Variants in SH2D1B observed in about 807,000 individuals in gnomAD.
SH2D1B encodes the protein SH2 domain-containing protein 1B.
A neutral mutation model predicts 16.3 loss-of-function variants in SH2D1B; 11 were observed. The ratio of observed to expected loss-of-function variants is 0.67; its 90% CI spans 0.42 to 1.11. The LOEUF (loss-of-function observed/expected upper bound fraction) is 1.11, where lower values mean the gene tolerates loss of function less well. Among genes scored for constraint, SH2D1B ranks in the 50% most tolerant of loss-of-function variants. The pLI, the probability that SH2D1B is intolerant of heterozygous loss-of-function variation, is 0.00. For missense variants in SH2D1B, 123 were observed against 153.1 expected (o/e 0.80, Z 1.04); for synonymous variants, 55 against 56.1 (o/e 0.98, Z 0.09).
chr1:162,397,361 C>G, intron 3 of SH2D1B, 46 bp from the exon 4 acceptor site: 2 of 1,608,094 alleles, frequency 1.2e-6, no homozygotes, highest in Non-Finnish European at 1.7e-6. Context: ...GAGACCACAC[C>G]CAGAAGTCAT....
Position 162,403,488 on chromosome 1 carries a change from G to GAAAAAAA in SH2D1B, c.135-693_135-687dup, listed in dbSNP as rs1172751501. 6.3e-4 allele frequency among the ~76,000 whole-genome samples: 13 copies of GAAAAAAA among 20,694 alleles called. 1 individual carries two copies. Among genetic ancestry groups the GAAAAAAA allele is most frequent in the East Asian group, 1.1e-3 (1 of 936 alleles). The allele number at this position is 20,694 out of a possible 152,430, so 13.6% of individuals were successfully genotyped here. A position where few individuals can be genotyped will look rare whatever the true frequency, so the allele number is the denominator to read the frequency against. On this transcript the variant is annotated intron_variant, in intron 1 of 3. Coordinates refer to ENST00000367929, the MANE Select transcript of SH2D1B (RefSeq NM_053282.5). ...TGGGCGACAGAGCGAGACTCTGTCT[G>GAAAAAAA]AAAAAAAAAAAAAAAAAAAAAAAAT...
chr1:162,408,666 G>A (rs1415185639), intron 1 of SH2D1B, among the ~76,000 whole-genome samples: 2 of 151,946 alleles, frequency 1.3e-5, no homozygotes, highest in Non-Finnish European at 2.9e-5. Flanking sequence ...TGCCCGCCTC[G>A]GCCTCCCAGA....
At chr1:162,403,058 A>G (rs576565362) in intron 1 of SH2D1B, among the ~76,000 whole-genome samples, 1 of 152,062 alleles carries the variant, frequency 6.6e-6, no homozygotes, top group South Asian at 2.1e-4. Flanking sequence ...ACAGGCACCC[A>G]CCATCATGCC....
Position 162,396,585 on chromosome 1 carries a change from A to G in SH2D1B, c.*695T>C, listed in dbSNP as rs1283104515. On this transcript the variant is annotated 3_prime_UTR_variant, in exon 4 of 4. Transcript: ENST00000367929. ...GTTGAAATGACTGATGCATAAGTGG[A>G]ATTAAGCAAAACCAGGGAGAAAGTG... 1 of 152,502 alleles carries G rather than the reference A, an allele frequency of 6.6e-6. No individual in the cohort carries two copies. Among genetic ancestry groups the G allele is most frequent in the East Asian group, 1.9e-4 (1 of 5,210 alleles). The allele number at this position is 152,502 out of a possible 1,614,324, so 9.4% of individuals were successfully genotyped here.
At chr1:162,410,121 A>C (rs568007250) in intron 1 of SH2D1B, among the ~76,000 whole-genome samples, 2 of 152,242 alleles carry the variant, frequency 1.3e-5, no homozygotes, top group South Asian at 4.2e-4. Context: ...TAGCTATCTG[A>C]TCACTGTTGG....
chr1:162,399,884 T>C (rs1049413190), intron 2 of SH2D1B, among the ~76,000 whole-genome samples: 11 of 152,224 alleles, frequency 7.2e-5, no homozygotes, highest in African/African-American at 1.9e-4. Context: ...ATGTGAGAGA[T>C]TTTACCATAA....
chr1:162,402,285 G>A (rs1316568391), intron 2 of SH2D1B, among the ~76,000 whole-genome samples: 1 of 152,114 alleles, frequency 6.6e-6, no homozygotes, highest in Non-Finnish European at 1.5e-5. Context: ...GGCTGAGGCC[G>A]GCGGATCACA....
At chr1:162,399,316 G>A (rs1013445474) in intron 2 of SH2D1B, among the ~76,000 whole-genome samples, 12 of 152,088 alleles carry the variant, frequency 7.9e-5, no homozygotes, top group Admixed American at 5.2e-4. Flanking sequence ...GGATCCCAGC[G>A]CAGTCCATAG....
intron 2 of SH2D1B, among the ~76,000 whole-genome samples, chr1:162,400,002 G>C (rs548315209): frequency 2.2e-4 from 34 of 152,158 alleles, no homozygotes; most frequent in Non-Finnish European, 4.0e-4. Context: ...TTCAAATTTG[G>C]AGAACAGTTA....
rs1160612126 is a variant in SH2D1B at position 162,397,234 on chromosome 1, A to T, written c.*46T>A. 1 of 1,609,722 alleles carries T rather than the reference A, an allele frequency of 6.2e-7. No individual in the cohort carries two copies. Among genetic ancestry groups the T allele is most frequent in the East Asian group, 2.2e-5 (1 of 44,854 alleles). On this transcript the variant is annotated 3_prime_UTR_variant, in exon 4 of 4. Coordinates refer to ENST00000367929, the MANE Select transcript of SH2D1B (RefSeq NM_053282.5). ...CCTGCAGAAGTGGGTCATCAGTGAG[A>T]ACTGTTACTCATCTCTTCAACTTGC... is the stretch of plus-strand genomic sequence containing the variant.
At chr1:162,410,964 T>C (rs1457935497) in intron 1 of SH2D1B, among the ~76,000 whole-genome samples, 7 of 147,500 alleles carry the variant, frequency 4.7e-5, no homozygotes, top group African/African-American at 1.8e-4. Context: ...CCACTCTTTT[T>C]TCTTTTTTTT....
intron 1 of SH2D1B, 111 bp from the exon 2 acceptor site, chr1:162,402,913 CT>C (rs554979106): frequency 0.015 from 10,118 of 657,288 alleles, 2 homozygotes; most frequent in East Asian, 0.025. Context: ...TAAAAAAACT[CT>C]TTTTTTTTTT....
rs889410547 is a variant in SH2D1B, at chr1:162,412,012, T to C, written c.5A>G (p.Asp2Gly). 3.7e-6 allele frequency: 6 copies of C among 1,613,978 alleles called. No homozygotes were observed. The highest frequency in any genetic ancestry group is 5.1e-6 in the Non-Finnish European group (6 of 1,180,020). ...CAGACGTCCATGGTAGTAAGGCAGA[T>C]CCATGGAGAACGCTCTTGTATCCCA... M[D>G]LPYYHGRLTK... Residue 2 changes from aspartate to glycine, a missense_variant, in exon 1 of 4, where the codon GAT (aspartate) becomes GGT (glycine). Physicochemically the swap from Asp to Gly is moderately conservative, Grantham distance 94 (BLOSUM62 -1). Coordinates refer to ENST00000367929, the MANE Select transcript of SH2D1B (RefSeq NM_053282.5).
At position 162,409,989 on chromosome 1, in the gene SH2D1B, C is replaced by T. The variant is rs375108656; in HGVS notation, c.134+1894G>A. On this transcript the variant is annotated intron_variant, in intron 1 of 3. Coordinates refer to ENST00000367929, the MANE Select transcript of SH2D1B (RefSeq NM_053282.5). ...TCCCTGTGTATTCTATTAGTAATGA[C>T]AATCACTTTTGTCTATAATCAGACT... Among the ~76,000 whole-genome samples the T allele has an allele frequency of 1.8e-3, 273 of 152,298 alleles. 1 individual carries two copies. The South Asian group carries it at 0.024, about 14-fold the overall frequency.
Position 162,402,730 on chromosome 1 carries a change from T to A in SH2D1B, c.198+9A>T. The A allele has an allele frequency of 6.2e-7, 1 of 1,611,436 alleles. No homozygotes were observed. Among genetic ancestry groups the A allele is most frequent in the Non-Finnish European group, 8.5e-7 (1 of 1,177,718 alleles). ...GTGTTGTTGTTGTTGTCGTCCTTTT[T>A]GTTCTTACCTGTATCCTGTAATACC... On this transcript the variant is annotated intron_variant, in intron 2 of 3. Coordinates refer to ENST00000367929, the MANE Select transcript of SH2D1B (RefSeq NM_053282.5).
At chr1:162,404,945 G>A (rs1433122034) in intron 1 of SH2D1B, among the ~76,000 whole-genome samples, 1 of 152,182 alleles carries the variant, frequency 6.6e-6, no homozygotes, top group Non-Finnish European at 1.5e-5. Flanking sequence ...TTCCAATCCT[G>A]ATTATTTACC....
Position 162,408,326 on chromosome 1 carries a change from C to A in SH2D1B, c.134+3557G>T, listed in dbSNP as rs564880996. ...GACATGTGTAGGGAGGTGGGTGAGA[C>A]CTGATCATGTGCAGGGGCTTAACAA... is the stretch of plus-strand genomic sequence containing the variant. On this transcript the variant is annotated intron_variant, in intron 1 of 3. Transcript: ENST00000367929. 2.1e-4 allele frequency among the ~76,000 whole-genome samples: 32 copies of A among 152,050 alleles called. No individual in the cohort carries two copies. In the South Asian group the frequency reaches 6.2e-3, roughly 30 times the overall value.
chr1:162,397,259 C>CT lies in SH2D1B; in HGVS notation c.*20dup. On this transcript the variant is annotated 3_prime_UTR_variant, in exon 4 of 4. Transcript: ENST00000367929. ...AACTGTTACTCATCTCTTCAACTTG[C>CT]TTTGTCCGGCAGCCTTATCTTCAAG... 1 of 1,613,646 alleles carries CT rather than the reference C, an allele frequency of 6.2e-7. No individual in the cohort carries two copies. Among genetic ancestry groups the CT allele is most frequent in the Non-Finnish European group, 8.5e-7 (1 of 1,179,710 alleles).
At chr1:162,410,383 T>C (rs932052904) in intron 1 of SH2D1B, among the ~76,000 whole-genome samples, 16 of 152,228 alleles carry the variant, frequency 1.1e-4, no homozygotes, top group African/African-American at 3.9e-4. Context: ...GTGGTCCCTG[T>C]ACCTTTGTGA....
Sources: allele counts gnomAD v4.1 joint callset (sites outside exome capture counted in the v4.1 genomes callset), GRCh38; gene constraint gnomAD v4.1.1; transcripts MANE v1.5; gene names NCBI Gene and HGNC (gene_info 2026-07-23, HGNC 2026-07-21).